Variants in EFHC2 observed in about 807,000 individuals in gnomAD.
EFHC2 encodes the protein EF-hand domain-containing family member C2.
In EFHC2, 18 loss-of-function variants were observed where a neutral mutation model predicts 52.7. The observed-to-expected ratio is 0.34, with a 90% CI of 0.24 to 0.51. The LOEUF (loss-of-function observed/expected upper bound fraction) is 0.51, where lower values mean the gene tolerates loss of function less well. EFHC2 is among the 20% of genes least tolerant of loss of function. The pLI, the probability that EFHC2 is intolerant of heterozygous loss-of-function variation, is 0.97. For missense variants in EFHC2, 513 were observed against 562.5 expected (o/e 0.91, Z 0.89); for synonymous variants, 203 against 204.1 (o/e 0.99, Z 0.04).
At chrX:44,217,514 T>C (rs1483946224) in intron 11 of EFHC2, among the ~76,000 whole-genome samples, 1 of 111,683 alleles carries the variant, frequency 9.0e-6, no homozygotes, top group African/African-American at 3.3e-5. Context: ...AACGTGGTAC[T>C]CATACACAAT....
At chrX:44,278,057 T>C (rs940032051) in intron 2 of EFHC2, among the ~76,000 whole-genome samples, 2 of 111,863 alleles carry the variant, frequency 1.8e-5, no homozygotes, top group African/African-American at 3.2e-5. Flanking sequence ...TGGCTATGCA[T>C]TGGGAACTTT....
intron 11 of EFHC2, among the ~76,000 whole-genome samples, chrX:44,190,769 G>C (rs761461096): frequency 6.0e-4 from 67 of 110,780 alleles, no homozygotes; most frequent in African/African-American, 2.2e-3. Context: ...CCATGTCTGC[G>C]TGGGTTTTCT....
At chrX:44,334,161 A>C (rs2038103857) in intron 1 of EFHC2, among the ~76,000 whole-genome samples, 1 of 112,042 alleles carries the variant, frequency 8.9e-6, no homozygotes, top group African/African-American at 3.2e-5. Flanking sequence ...AGAGCTACGA[A>C]GTTCAGTACA....
chrX:44,156,408 G>A lies in EFHC2; in HGVS notation c.2149-7512C>T, dbSNP rs190567481. ...AATCCTTACCATTAGGAATATCTCC[G>A]AGCCTCAGCTTCCTGTCTATAAATT... On this transcript the variant is annotated intron_variant, in intron 14 of 14. Coordinates refer to ENST00000420999, the MANE Select transcript of EFHC2 (RefSeq NM_025184.4). 8.9e-5 allele frequency among the ~76,000 whole-genome samples: 10 copies of A among 112,398 alleles called. No homozygotes were observed. In the East Asian group the frequency reaches 2.2e-3, roughly 25 times the overall value.
At position 44,163,971 on chromosome X, in the gene EFHC2, C is replaced by T; in HGVS notation, c.2099G>A (p.Trp700Ter). Residue 700 changes from tryptophan (W) to a stop codon, truncating the protein, a stop_gained, in exon 14 of 15, where the codon TGG becomes TAG. Coordinates refer to ENST00000420999, the MANE Select transcript of EFHC2 (RefSeq NM_025184.4). LOFTEE classifies it high-confidence loss of function. The stretch of plus-strand genomic sequence containing the variant: ...CAATTCAGGCACTGGATTCTTTCTC[C>T]AGTTCAGGGCAGAGAAAAATGACTT... ...DYKSFFSALN[W>*]RKNPVPELQP... is the part of the protein sequence containing the mutation. The T allele has an allele frequency of 8.6e-7, 1 of 1,165,807 alleles. No homozygotes were observed. Among genetic ancestry groups the T allele is most frequent in the Non-Finnish European group, 1.1e-6 (1 of 871,564 alleles).
At position 44,254,314 on chromosome X, in the gene EFHC2, C is replaced by A. The variant is rs149382975; in HGVS notation, c.607-3869G>T. ...GTAGGCTTCAGAAGGTGGGTAATAA[C>A]TAACTCCTCTGAGCTAAAGGAGCAT... On this transcript the variant is annotated intron_variant, in intron 4 of 14. Coordinates refer to ENST00000420999, the MANE Select transcript of EFHC2 (RefSeq NM_025184.4). Among the ~76,000 whole-genome samples, 600 of 111,915 alleles carry A rather than the reference C, an allele frequency of 5.4e-3. 6 individuals carry two copies. Among genetic ancestry groups the A allele is most frequent in the East Asian group, 0.052 (183 of 3,530 alleles).
chrX:44,236,060 G>A (rs938123795), intron 8 of EFHC2, among the ~76,000 whole-genome samples: 3 of 108,863 alleles, frequency 2.8e-5, no homozygotes, highest in Non-Finnish European at 5.7e-5. Flanking sequence ...CGTATTGTAA[G>A]CCATTACAAG....
chrX:44,198,008 G>C (rs1602146563), intron 11 of EFHC2, among the ~76,000 whole-genome samples: 1 of 112,259 alleles, frequency 8.9e-6, no homozygotes, highest in African/African-American at 3.2e-5. Context: ...TGGCTATATA[G>C]CGGCCTTGCT....
At chrX:44,171,151 C>T (rs73481066) in intron 13 of EFHC2, among the ~76,000 whole-genome samples, 1,383 of 111,291 alleles carry the variant, frequency 0.012, 19 homozygotes, top group African/African-American at 0.044. Flanking sequence ...TAATACGACC[C>T]CTCGAACATG....
chrX:44,192,442 T>C (rs2036928919), intron 11 of EFHC2, among the ~76,000 whole-genome samples: 1 of 111,870 alleles, frequency 8.9e-6, no homozygotes, highest in Admixed American at 9.5e-5. Context: ...TTTGCTTTGA[T>C]TCTTATAAGA....
chrX:44,161,064 T>A (rs1440773757), intron 14 of EFHC2, among the ~76,000 whole-genome samples: 1 of 112,368 alleles, frequency 8.9e-6, no homozygotes, highest in East Asian at 2.8e-4. Context: ...TGTGGTATGA[T>A]CTTATTTTCA....
At position 44,310,345 on chromosome X, in the gene EFHC2, G is replaced by T. The variant is rs1033802758; in HGVS notation, c.231+2223C>A. On this transcript the variant is annotated intron_variant, in intron 2 of 14. Coordinates refer to ENST00000420999, the MANE Select transcript of EFHC2 (RefSeq NM_025184.4). ...GGAAGATCCTCCATGCAGTCTTGCT[G>T]GCCAGAACCCGGGTCCCGCTCAGGG... The T allele has an allele frequency of 1.0e-5, 9 of 881,713 alleles. No homozygotes were observed. In the African/African-American group the frequency reaches 1.6e-4, roughly 16 times the overall value. 72.7% of individuals were successfully genotyped at this position (881,713 alleles called of 1,213,427 possible).
intron 8 of EFHC2, among the ~76,000 whole-genome samples, chrX:44,238,620 C>T (rs956828571): frequency 4.5e-5 from 5 of 111,146 alleles, no homozygotes; most frequent in Non-Finnish European, 9.4e-5. Flanking sequence ...GTCGGCCTCC[C>T]GGATGCTCCT....
intron 3 of EFHC2, among the ~76,000 whole-genome samples, chrX:44,267,505 T>A (rs1368110142): frequency 9.1e-6 from 1 of 110,302 alleles, no homozygotes; most frequent in Non-Finnish European, 1.9e-5. Context: ...GATTCCAAAC[T>A]CCCCCCACCC....
chrX:44,317,772 C>G (rs951501334), intron 1 of EFHC2, among the ~76,000 whole-genome samples: 4 of 113,146 alleles, frequency 3.5e-5, no homozygotes, highest in Non-Finnish European at 7.5e-5. Flanking sequence ...CCAGCCTAAG[C>G]GACGGAGACC....
In EFHC2 at chrX:44,148,430, G is replaced by C. The variant is rs2036540957; in HGVS notation, c.*365C>G. On this transcript the variant is annotated 3_prime_UTR_variant, in exon 15 of 15. Coordinates refer to ENST00000420999, the MANE Select transcript of EFHC2 (RefSeq NM_025184.4). ...TTTAATAGAATCACAACTTATTGCTGTGATATAATTTGATTTTGTATTGTC... is the reference window on the plus strand; with the variant it reads ...TTTAATAGAATCACAACTTATTGCTCTGATATAATTTGATTTTGTATTGTC... 7.4e-6 allele frequency: 1 copy of C among 135,786 alleles called. No individual in the cohort carries two copies. The highest frequency in any genetic ancestry group is 9.2e-5 in the Admixed American group (1 of 10,838). The allele number at this position is 135,786 out of a possible 1,213,427, so 11.2% of individuals were successfully genotyped here.
chrX:44,237,954 T>C lies in EFHC2; in HGVS notation c.1281-2507A>G, dbSNP rs748919033. On this transcript the variant is annotated intron_variant, in intron 8 of 14. Coordinates refer to ENST00000420999, the MANE Select transcript of EFHC2 (RefSeq NM_025184.4). ...AAGGCTTTAATACAATTTGGTATCATGGCTTTAAATACCATCTACATGCTG... is the reference window on the plus strand; with the variant it reads ...AAGGCTTTAATACAATTTGGTATCACGGCTTTAAATACCATCTACATGCTG... Among the ~76,000 whole-genome samples, 6 of 111,794 alleles carry C rather than the reference T, an allele frequency of 5.4e-5. No individual in the cohort carries two copies. In the East Asian group the frequency reaches 1.7e-3, roughly 31 times the overall value.
At chrX:44,278,008 TGAGA>T (rs1230297264) in intron 2 of EFHC2, among the ~76,000 whole-genome samples, 7 of 111,853 alleles carry the variant, frequency 6.3e-5, no homozygotes, top group Non-Finnish European at 9.4e-5. Flanking sequence ...ATTTAGAGTC[TGAGA>T]GAGAGGATAA....
intron 3 of EFHC2, among the ~76,000 whole-genome samples, chrX:44,269,513 G>A (rs1015130477): frequency 2.7e-5 from 3 of 111,201 alleles, no homozygotes; most frequent in South Asian, 7.7e-4. Flanking sequence ...TGTTGTCTTC[G>A]CAGTAATGTG....
Sources: allele counts gnomAD v4.1 joint callset (sites outside exome capture counted in the v4.1 genomes callset), GRCh38; gene constraint gnomAD v4.1.1; transcripts MANE v1.5; gene names NCBI Gene and HGNC (gene_info 2026-07-23, HGNC 2026-07-21).